GPC6: variants seen among roughly 807,000 people sequenced by gnomAD.
GPC6 encodes glypican 6.
A neutral mutation model predicts 55.2 loss-of-function variants in GPC6; 14 were observed. The ratio of observed to expected loss-of-function variants is 0.25; its 90% confidence interval spans 0.17 to 0.40. The LOEUF (loss-of-function observed/expected upper bound fraction) is 0.40, where lower values mean the gene tolerates loss of function less well. Ranked by LOEUF, GPC6 falls within the 10% of genes least tolerant of loss-of-function variation. The probability of loss-of-function intolerance (pLI) is 1.00; values close to 1 mark genes in which losing one functional copy is unlikely to be tolerated. For synonymous variants in GPC6, 278 were observed against 259.6 expected (o/e 1.07, Z -0.68); for missense variants, 641 against 708.5 (o/e 0.90, Z 1.08).
chr13:93,747,322 C>T (rs868838176), intron 2 of GPC6, among the ~76,000 whole-genome samples: 10 of 152,292 alleles, frequency 6.6e-5, no homozygotes, highest in South Asian at 4.1e-4. Context: ...AGCTACAGGA[C>T]GCTCTTGCTT....
rs559569678 is a variant in GPC6, at chr13:94,210,466, CATTTT to C, written c.878-75881_878-75877del. The stretch of plus-strand genomic sequence containing the variant: ...GCCACCGTGCCTGGCAAAAGTTTAA[CATTTT>C]AAATAACTGTTCCTCAGCACTGCCC... On this transcript the variant is annotated intron_variant, in intron 4 of 8. Transcript: ENST00000377047. Among the ~76,000 whole-genome samples, 277 of 152,202 alleles carry C rather than the reference CATTTT, an allele frequency of 1.8e-3. 1 individual carries two copies. The highest frequency in any genetic ancestry group is 6.8e-3 in the Middle Eastern group (2 of 294).
intron 4 of GPC6, among the ~76,000 whole-genome samples, chr13:94,222,978 CTTCTT>C (rs1200777389): frequency 1.3e-5 from 2 of 152,050 alleles, no homozygotes; most frequent in Non-Finnish European, 2.9e-5. Context: ...CTGATTAACT[CTTCTT>C]TACTGAATAT....
chr13:93,845,882 T>TTTTTAAAA, intron 3 of GPC6, among the ~76,000 whole-genome samples: 1 of 149,090 alleles, frequency 6.7e-6, no homozygotes, highest in Middle Eastern at 3.2e-3. Context: ...TATCTAATGC[T>TTTTTAAAA]AGATGACGAG....
intron 1 of GPC6, among the ~76,000 whole-genome samples, chr13:93,375,980 A>G (rs898477051): frequency 6.6e-6 from 1 of 152,190 alleles, no homozygotes; most frequent in African/African-American, 2.4e-5. Context: ...TTTGCATAAC[A>G]TCAATAAATG....
intron 3 of GPC6, among the ~76,000 whole-genome samples, chr13:93,832,758 G>C (rs962765939): frequency 6.6e-6 from 1 of 152,096 alleles, no homozygotes; most frequent in African/African-American, 2.4e-5. Flanking sequence ...TCCTTCTGGC[G>C]AAGGATGACC....
intron 4 of GPC6, among the ~76,000 whole-genome samples, chr13:94,132,858 G>A (rs1055008407): frequency 6.6e-6 from 1 of 152,118 alleles, no homozygotes; most frequent in Non-Finnish European, 1.5e-5. Context: ...GTTAAAAGAC[G>A]ATTTCAGAGT....
At chr13:93,439,593 T>G (rs1877701054) in intron 1 of GPC6, among the ~76,000 whole-genome samples, 1 of 151,268 alleles carries the variant, frequency 6.6e-6, no homozygotes, top group Non-Finnish European at 1.5e-5. Context: ...ACCCGGGAGG[T>G]GGACATTGCA....
chr13:93,949,024 A>G (rs1879132586), intron 3 of GPC6, among the ~76,000 whole-genome samples: 1 of 152,060 alleles, frequency 6.6e-6, no homozygotes, highest in African/African-American at 2.4e-5. Flanking sequence ...TTCATTTTCA[A>G]CTGACATTTG....
rs555664929 is a variant in GPC6 at position 93,832,860 on chromosome 13, C to A, written c.711+2315C>A. 2.6e-5 allele frequency among the ~76,000 whole-genome samples: 4 copies of A among 152,200 alleles called. No homozygotes were observed. In the South Asian group the frequency reaches 8.3e-4, roughly 32 times the overall value. ...CACTGTATTCTCTCTCCCACTGATC[C>A]CTTCAAGACCACCATTCTTTTGCAG... On this transcript the variant is annotated intron_variant, in intron 3 of 8. Transcript: ENST00000377047.
intron 2 of GPC6, among the ~76,000 whole-genome samples, chr13:93,601,493 T>G (rs1878014769): frequency 6.6e-6 from 1 of 152,212 alleles, no homozygotes; most frequent in African/African-American, 2.4e-5. Flanking sequence ...TAATGGATTC[T>G]CCTCTGTATA....
chr13:93,323,388 C>T (rs1006068016), intron 1 of GPC6, among the ~76,000 whole-genome samples: 2 of 152,054 alleles, frequency 1.3e-5, no homozygotes, highest in Admixed American at 1.3e-4. Flanking sequence ...TACCAATGGC[C>T]TCTCATAGAA....
At chr13:94,161,311 T>A (rs1338092155) in intron 4 of GPC6, among the ~76,000 whole-genome samples, 1 of 152,212 alleles carries the variant, frequency 6.6e-6, no homozygotes, top group Non-Finnish European at 1.5e-5. Flanking sequence ...GATAAGAGTG[T>A]TTAAAAATCC....
intron 3 of GPC6, among the ~76,000 whole-genome samples, chr13:94,023,650 T>C (rs1335181906): frequency 6.6e-6 from 1 of 152,116 alleles, no homozygotes; most frequent in African/African-American, 2.4e-5. Flanking sequence ...AATGAAAATG[T>C]ATATTTCTAC....
chr13:93,734,979 C>A (rs1883946741), intron 2 of GPC6, among the ~76,000 whole-genome samples: 1 of 151,982 alleles, frequency 6.6e-6, no homozygotes, highest in South Asian at 2.1e-4. Flanking sequence ...ATGAGTAGAC[C>A]TTAAATCTTA....
chr13:93,979,281 T>TTTTGTG (rs771678620), intron 3 of GPC6, among the ~76,000 whole-genome samples: 1 of 140,180 alleles, frequency 7.1e-6, no homozygotes, highest in Non-Finnish European at 1.5e-5. Flanking sequence ...GACACTTCTT[T>TTTTGTG]TGTGTGTGTG....
chr13:93,249,786 G>A (rs1409783301), intron 1 of GPC6, among the ~76,000 whole-genome samples: 1 of 152,178 alleles, frequency 6.6e-6, no homozygotes, highest in Non-Finnish European at 1.5e-5. Flanking sequence ...GGACCTTTGG[G>A]AAGTTGTGAG....
intron 3 of GPC6, among the ~76,000 whole-genome samples, chr13:93,933,849 AT>A (rs1463776763): frequency 6.6e-6 from 1 of 152,168 alleles, no homozygotes; most frequent in Non-Finnish European, 1.5e-5. Flanking sequence ...TTTTTGCAGA[AT>A]TTTAATGCCA....
intron 6 of GPC6, among the ~76,000 whole-genome samples, chr13:94,355,935 C>A (rs1012464557): frequency 3.3e-5 from 5 of 152,184 alleles, no homozygotes; most frequent in African/African-American, 9.7e-5. Flanking sequence ...TCTCCCTCCC[C>A]CTGCCCCCAC....
chr13:93,560,686 T>C (rs1875734619), intron 2 of GPC6, among the ~76,000 whole-genome samples: 1 of 151,218 alleles, frequency 6.6e-6, no homozygotes, highest in African/African-American at 2.4e-5. Context: ...AAACCGCGTC[T>C]GTACTAAAAA....
Sources: gnomAD v4.1 joint callset for allele counts (sites outside exome capture counted in the v4.1 genomes callset) on GRCh38, gnomAD v4.1.1 for gene constraint, MANE v1.5 for transcripts, NCBI Gene and HGNC (gene_info 2026-07-23, HGNC 2026-07-21) for gene names.